The following MACROD2 variants were observed in gnomAD, a reference collection of about 807,000 sequenced individuals.
MACROD2 encodes ADP-ribose glycohydrolase MACROD2.
Under a neutral mutation model 70.4 loss-of-function variants are expected in MACROD2, and 36 were observed. The ratio of observed to expected loss-of-function variants is 0.51; its 90% CI spans 0.39 to 0.68. The LOEUF (loss-of-function observed/expected upper bound fraction) is 0.68, where lower values mean the gene tolerates loss of function less well. Among genes scored for constraint, MACROD2 ranks in the 30% least tolerant of loss-of-function variants. The pLI, the probability that MACROD2 is intolerant of heterozygous loss-of-function variation, is 0.00. For synonymous variants in MACROD2, 172 were observed against 178.8 expected (o/e 0.96, Z 0.30); for missense variants, 496 against 538.4 (o/e 0.92, Z 0.78).
At chr20:14,211,992 A>G (rs1249717088) in intron 3 of MACROD2, among the ~76,000 whole-genome samples, 1 of 152,146 alleles carries the variant, frequency 6.6e-6, no homozygotes, top group Non-Finnish European at 1.5e-5. Context: ...CAGACCCTAA[A>G]AGATGCATAG....
At chr20:14,550,279 G>T (rs1978567026) in intron 4 of MACROD2, among the ~76,000 whole-genome samples, 2 of 151,934 alleles carry the variant, frequency 1.3e-5, no homozygotes, top group South Asian at 4.2e-4. Flanking sequence ...TAATTTAATG[G>T]CCTTCCTTTC....
intron 3 of MACROD2, among the ~76,000 whole-genome samples, chr20:14,231,408 C>A (rs966832666): frequency 1.3e-5 from 2 of 151,940 alleles, no homozygotes; most frequent in Admixed American, 6.6e-5. Flanking sequence ...TTTGTCCTTG[C>A]GATAGTTTGC....
intron 3 of MACROD2, among the ~76,000 whole-genome samples, chr20:14,288,231 A>C (rs1346984832): frequency 6.6e-6 from 1 of 151,880 alleles, no homozygotes; most frequent in Non-Finnish European, 1.5e-5. Flanking sequence ...TTATTAGTTA[A>C]ATATATGGTC....
chr20:15,020,033 G>T (rs1028232949), intron 5 of MACROD2, among the ~76,000 whole-genome samples: 1 of 152,126 alleles, frequency 6.6e-6, no homozygotes, highest in Non-Finnish European at 1.5e-5. Context: ...AGTTTTCCCT[G>T]TCATCAAGTT....
rs184397384 is a variant in MACROD2 at position 14,899,410 on chromosome 20, T to A, written c.418+214451T>A. ...AAGGTGCTGGGTTTGCTTTTTTCTG[T>A]GGGCCGTAAGGAAGAATTTGTTCCA... On this transcript the variant is annotated intron_variant, in intron 5 of 17. Coordinates refer to ENST00000684519, the MANE Select transcript of MACROD2 (RefSeq NM_001351661.2). Among the ~76,000 whole-genome samples the A allele has an allele frequency of 1.3e-4, 20 of 152,228 alleles. No individual in the cohort carries two copies. The East Asian group carries it at 3.7e-3, about 28-fold the overall frequency.
intron 10 of MACROD2, among the ~76,000 whole-genome samples, chr20:15,927,430 T>A (rs2065507740): frequency 1.3e-5 from 2 of 152,168 alleles, no homozygotes; most frequent in Non-Finnish European, 2.9e-5. Flanking sequence ...TTTGGCATGA[T>A]CTGGACCTGT....
intron 8 of MACROD2, among the ~76,000 whole-genome samples, chr20:15,859,809 T>G (rs1175152280): frequency 1.2e-5 from 1 of 84,780 alleles, no homozygotes; most frequent in African/African-American, 3.0e-5. Flanking sequence ...GTTTTGGACT[T>G]AAATCATTTC....
intron 5 of MACROD2, among the ~76,000 whole-genome samples, chr20:14,838,131 A>C (rs1206344721): frequency 6.6e-6 from 1 of 151,922 alleles, no homozygotes; most frequent in Non-Finnish European, 1.5e-5. Context: ...TGTTTGAGTC[A>C]TTTGTTTATT....
intron 6 of MACROD2, among the ~76,000 whole-genome samples, chr20:15,288,867 G>GTCTATCTATCTATCTATCTA (rs3070384): frequency 4.8e-5 from 7 of 146,850 alleles, no homozygotes; most frequent in Non-Finnish European, 3.0e-5. Flanking sequence ...CTGTCTGTCT[G>GTCTATCTATCTATCTATCTA]TCTATCTATC....
At chr20:15,113,763 AGTGTGTGTGTGT>A (rs71340210) in intron 5 of MACROD2, among the ~76,000 whole-genome samples, 60 of 144,228 alleles carry the variant, frequency 4.2e-4, no homozygotes, top group African/African-American at 1.2e-3. Context: ...GTAGTCTTGA[AGTGTGTGTGTGT>A]GTGTGTGTGT....
chr20:14,620,923 A>G (rs548404655), intron 4 of MACROD2, among the ~76,000 whole-genome samples: 84 of 152,064 alleles, frequency 5.5e-4, no homozygotes, highest in Non-Finnish European at 1.1e-3. Context: ...AAAGGAGGGT[A>G]TTATTGGCAA....
chr20:15,088,403 A>T (rs1284208351), intron 5 of MACROD2, among the ~76,000 whole-genome samples: 123 of 2,148 alleles, frequency 0.057, 4 homozygotes, highest in African/African-American at 0.11. Context: ...TATTTTATAT[A>T]TATATATATA....
At chr20:14,271,900 G>A (rs1403114931) in intron 3 of MACROD2, among the ~76,000 whole-genome samples, 1 of 152,150 alleles carries the variant, frequency 6.6e-6, no homozygotes, top group African/African-American at 2.4e-5. Flanking sequence ...ATCAGTGATG[G>A]AAGATGAAAT....
At chr20:14,453,667 A>G (rs1416575404) in intron 3 of MACROD2, among the ~76,000 whole-genome samples, 14 of 152,042 alleles carry the variant, frequency 9.2e-5, no homozygotes, top group Admixed American at 9.2e-4. Context: ...AATGTACTGT[A>G]TTCCTCGTTA....
chr20:15,441,355 G>A (rs2046492866), intron 7 of MACROD2, among the ~76,000 whole-genome samples: 1 of 152,078 alleles, frequency 6.6e-6, no homozygotes, highest in African/African-American at 2.4e-5. Context: ...TACAAAATAT[G>A]CTAGTTCAGT....
At chr20:14,971,212 A>T (rs887274241) in intron 5 of MACROD2, among the ~76,000 whole-genome samples, 1 of 152,170 alleles carries the variant, frequency 6.6e-6, no homozygotes, top group African/African-American at 2.4e-5. Context: ...GATAGTCCAT[A>T]CATGTTCAGT....
chr20:15,805,886 T>C (rs1335157969), intron 8 of MACROD2, among the ~76,000 whole-genome samples: 1 of 152,186 alleles, frequency 6.6e-6, no homozygotes, highest in African/African-American at 2.4e-5. Flanking sequence ...ATAACAGTCT[T>C]GGAGAACTGG....
intron 4 of MACROD2, among the ~76,000 whole-genome samples, chr20:14,618,470 C>T (rs759667336): frequency 2.6e-5 from 4 of 152,036 alleles, no homozygotes; most frequent in Non-Finnish European, 5.9e-5. Flanking sequence ...GAGGATTACC[C>T]GAGTTAACTT....
At chr20:14,301,116 C>T (rs966701889) in intron 3 of MACROD2, among the ~76,000 whole-genome samples, 24 of 152,074 alleles carry the variant, frequency 1.6e-4, no homozygotes, top group African/African-American at 5.8e-4. Flanking sequence ...AAGCACAGAG[C>T]AGTTCCTAAT....
Sources: allele counts gnomAD v4.1 joint callset (sites outside exome capture counted in the v4.1 genomes callset), GRCh38; gene constraint gnomAD v4.1.1; transcripts MANE v1.5; gene names NCBI Gene and HGNC (gene_info 2026-07-23, HGNC 2026-07-21).